SH3TC2: variants seen among roughly 807,000 people sequenced by gnomAD.
The protein encoded by SH3TC2 is SH3 domain and tetratricopeptide repeats 2.
A neutral mutation model predicts 124.5 loss-of-function variants in SH3TC2; 87 were observed. That is an observed-to-expected ratio of 0.70 (90% CI 0.59 to 0.84). The LOEUF is 0.84. Among genes scored for constraint, SH3TC2 ranks in the 40% least tolerant of loss-of-function variants. The pLI, the probability that SH3TC2 is intolerant of heterozygous loss-of-function variation, is 0.00. For missense variants in SH3TC2, 1,536 were observed against 1,566.4 expected (o/e 0.98, Z 0.33); for synonymous variants, 634 against 628.5 (o/e 1.01, Z -0.13).
At chr5:149,034,391 C>T (rs1754249226) in intron 8 of SH3TC2, 1 of 281,914 alleles carries the variant, frequency 3.5e-6, no homozygotes, top group Non-Finnish European at 7.1e-6. Context: ...TCCAACGTAC[C>T]TCTAATAGGA....
rs1561751838 is a variant in SH3TC2, at chr5:148,993,753, C to T, written c.*10958G>A. On this transcript the variant is annotated 3_prime_UTR_variant, in exon 17 of 17. Transcript: ENST00000515425. ...AGACTGAGACCATCACTGTCACATG[C>T]TCACTTGAATAGCCAAGCATCTAGC... Among the ~76,000 whole-genome samples, 1 of 152,180 alleles carries T rather than the reference C, an allele frequency of 6.6e-6. No homozygotes were observed.
At position 148,996,970 on chromosome 5, in the gene SH3TC2, T is replaced by C. The variant is rs1327501863; in HGVS notation, c.*7741A>G. On this transcript the variant is annotated 3_prime_UTR_variant, in exon 17 of 17. Coordinates refer to ENST00000515425, the MANE Select transcript of SH3TC2 (RefSeq NM_024577.4). ...GGTTAGGGAAGTAGATAATTAAGCATTCCTGAATACTAAGTGAGTAAAAAA... is the reference window on the plus strand; with the variant it reads ...GGTTAGGGAAGTAGATAATTAAGCACTCCTGAATACTAAGTGAGTAAAAAA... Among the ~76,000 whole-genome samples, 4 of 152,190 alleles carry C rather than the reference T, an allele frequency of 2.6e-5. No individual in the cohort carries two copies. Among genetic ancestry groups the C allele is most frequent in the Non-Finnish European group, 5.9e-5 (4 of 68,040 alleles).
rs547656975 is a variant in SH3TC2, at chr5:149,044,974, G to A, written c.280-336C>T. 9 of 190,634 alleles carry A rather than the reference G, an allele frequency of 4.7e-5. No homozygotes were observed. The East Asian group carries it at 1.2e-3, about 26-fold the overall frequency. 11.8% of individuals were successfully genotyped at this position (190,634 alleles called of 1,614,324 possible). On this transcript the variant is annotated intron_variant, in intron 3 of 16. Transcript: ENST00000515425. ...ATGGGCAAAGAATGCTACTTTTTGT[G>A]TTTAAAAAAAAAAGTGTATGTGGGA...
In SH3TC2 at chr5:148,996,547, G is replaced by A. The variant is rs1346788782; in HGVS notation, c.*8164C>T. ...GCTTTTTGGTCACCAGGATTACCAC[G>A]CAGCTGTTATTTCAGCCTAGCCCGT... On this transcript the variant is annotated 3_prime_UTR_variant, in exon 17 of 17. Transcript: ENST00000515425. Among the ~76,000 whole-genome samples the A allele has an allele frequency of 1.3e-5, 2 of 152,126 alleles. No homozygotes were observed. Among genetic ancestry groups the A allele is most frequent in the African/African-American group, 2.4e-5 (1 of 41,420 alleles).
rs886060149 is a variant in SH3TC2 at position 148,995,589 on chromosome 5, CA to C, written c.*9121del. On this transcript the variant is annotated 3_prime_UTR_variant, in exon 17 of 17. Coordinates refer to ENST00000515425, the MANE Select transcript of SH3TC2 (RefSeq NM_024577.4). ...TGAGCAGCCCTATCACCTGATTTCT[CA>C]ATCACTCATGAGCAATAAGTAGTTA... 1.3e-5 allele frequency among the ~76,000 whole-genome samples: 2 copies of C among 152,222 alleles called. No homozygotes were observed. The highest frequency in any genetic ancestry group is 6.5e-5 in the Admixed American group (1 of 15,282).
chr5:149,055,949 CAAT>C (rs1269484579), intron 1 of SH3TC2, among the ~76,000 whole-genome samples: 7 of 152,014 alleles, frequency 4.6e-5, no homozygotes, highest in African/African-American at 1.7e-4. Context: ...TCCAATACAA[CAAT>C]GAGAATGAAT....
At chr5:149,031,518 C>A in intron 9 of SH3TC2, 36 bp downstream of exon 9, 1 of 1,613,902 alleles carries the variant, frequency 6.2e-7, no homozygotes, top group Non-Finnish European at 8.5e-7. Context: ...CTTGAGGACC[C>A]CAGGCTTTTG....
Position 149,004,090 on chromosome 5 carries a change from C to T in SH3TC2, c.*621G>A. On this transcript the variant is annotated 3_prime_UTR_variant, in exon 17 of 17. Coordinates refer to ENST00000515425, the MANE Select transcript of SH3TC2 (RefSeq NM_024577.4). ...TCTGGGAGGTTATGTGGGAGCACAG[C>T]CTTATGGCAGGAGGAAGATGGTGAA... is the stretch of plus-strand genomic sequence containing the variant. The T allele has an allele frequency of 5.1e-6, 1 of 195,912 alleles. No homozygotes were observed. Among genetic ancestry groups the T allele is most frequent in the African/African-American group, 2.4e-5 (1 of 42,048 alleles). The allele number at this position is 195,912 out of a possible 1,614,324, so 12.1% of individuals were successfully genotyped here. A position where few individuals can be genotyped will look rare whatever the true frequency, so the allele number is the denominator to read the frequency against.
At chr5:149,023,986 G>C (rs1177015306) in intron 12 of SH3TC2, among the ~76,000 whole-genome samples, 1 of 152,102 alleles carries the variant, frequency 6.6e-6, no homozygotes, top group Non-Finnish European at 1.5e-5. Flanking sequence ...GAATCCTTAA[G>C]AAAAGATGCA....
rs747155538 is a variant in SH3TC2 at position 148,985,586 on chromosome 5, C to T, written c.*19125G>A. Among the ~76,000 whole-genome samples the T allele has an allele frequency of 6.6e-6, 1 of 152,092 alleles. No individual in the cohort carries two copies. The highest frequency in any genetic ancestry group is 1.5e-5 in the Non-Finnish European group (1 of 68,016). On this transcript the variant is annotated 3_prime_UTR_variant, in exon 17 of 17. Coordinates refer to ENST00000515425, the MANE Select transcript of SH3TC2 (RefSeq NM_024577.4). ...GTAGTATTCCACTGTATGAATACAC[C>T]ATAGTTTGTTTATCCATTTCCCAGT...
chr5:149,052,866 A>C (rs1197320110), intron 1 of SH3TC2, among the ~76,000 whole-genome samples: 2 of 152,216 alleles, frequency 1.3e-5, no homozygotes, highest in Non-Finnish European at 2.9e-5. Context: ...GTTGAAAAGA[A>C]AGAAGATGGT....
At position 149,026,947 on chromosome 5, in the gene SH3TC2, C is replaced by A; in HGVS notation, c.2785G>T (p.Val929Phe). The change falls in exon 11 of 17, where the codon GTT becomes TTT. Residue 929 changes from valine to phenylalanine, a missense_variant. Val to Phe is a conservative substitution (Grantham distance 50). Coordinates refer to ENST00000515425, the MANE Select transcript of SH3TC2 (RefSeq NM_024577.4). ...GTCAGCTGGTGTCCAGACACCAGAA[C>A]TTGGGCCAACCAGAGAAACACCTGT... is the stretch of plus-strand genomic sequence containing the variant. ...LVQVFLWLAQ[V>F]LVSGHQLTHG... 4 of 1,614,168 alleles carry A rather than the reference C, an allele frequency of 2.5e-6. No individual in the cohort carries two copies. Among genetic ancestry groups the A allele is most frequent in the Non-Finnish European group, 3.4e-6 (4 of 1,180,038 alleles).
intron 4 of SH3TC2, chr5:149,043,744 T>C (rs889644454): frequency 6.6e-6 from 1 of 151,864 alleles, no homozygotes; most frequent in Non-Finnish European, 1.5e-5. Context: ...AGGAAGGAGA[T>C]GTGTAGTGTG....
In SH3TC2 at chr5:149,050,492, T is replaced by C. The variant is rs554247267; in HGVS notation, c.151+1650A>G. Among the ~76,000 whole-genome samples, 8 of 152,306 alleles carry C rather than the reference T, an allele frequency of 5.3e-5. No homozygotes were observed. The East Asian group carries it at 1.4e-3, about 26-fold the overall frequency. On this transcript the variant is annotated intron_variant, in intron 2 of 16. Transcript: ENST00000515425. Reference sequence around the variant, plus strand: ...AGCCCGAGGTCAGTTCAGTTTCACCTACAGATACCCTTTGTTCACTGGCCT... The same window carrying C: ...AGCCCGAGGTCAGTTCAGTTTCACCCACAGATACCCTTTGTTCACTGGCCT...
rs115577291 is a variant in SH3TC2, at chr5:149,008,967, G to T, written c.3362C>A (p.Ala1121Glu). 4 of 1,614,156 alleles carry T rather than the reference G, an allele frequency of 2.5e-6. No individual in the cohort carries two copies. Among genetic ancestry groups the T allele is most frequent in the Non-Finnish European group, 1.7e-6 (2 of 1,180,024 alleles). Residue 1121 changes from alanine (A) to glutamate (E), a missense_variant, in exon 15 of 17, where the codon GCG becomes GAG. Ala to Glu is a moderately radical substitution (Grantham distance 107). Around this residue, in one of 3 missense-constraint regions of SH3TC2, gnomAD observed 426 missense variants for 443.5 expected, o/e 0.96. Transcript: ENST00000515425. ...GAAAATCCGGAGCTCAGTTCTCACC[G>T]CCTTCAACCTCCTTGCTAAAGGAAC... ...GAVPLARRLKAVRTELRIFNK... is the reference protein window; with the variant it reads ...GAVPLARRLKEVRTELRIFNK...
At chr5:149,059,034 C>T (rs250674) in intron 1 of SH3TC2, among the ~76,000 whole-genome samples, 37,932 of 151,824 alleles carry the variant, frequency 0.25, 5,412 homozygotes, top group African/African-American at 0.37. Context: ...GTGAATGAGG[C>T]TATATTTTTA....
intron 1 of SH3TC2, among the ~76,000 whole-genome samples, chr5:149,055,543 G>A (rs965450823): frequency 1.3e-5 from 2 of 152,070 alleles, no homozygotes; most frequent in African/African-American, 4.8e-5. Flanking sequence ...TATAGAGCAA[G>A]TAGAATACCT....
intron 1 of SH3TC2, among the ~76,000 whole-genome samples, chr5:149,059,675 A>T (rs1474434336): frequency 1.3e-5 from 2 of 151,972 alleles, no homozygotes; most frequent in Non-Finnish European, 2.9e-5. Context: ...GCATCATGAT[A>T]TCATTTTGTT....
At chr5:149,062,227 C>T (rs1282009820) in intron 1 of SH3TC2, 10 of 426,794 alleles carry the variant, frequency 2.3e-5, no homozygotes, top group Non-Finnish European at 4.7e-5. Context: ...CCCCACATTT[C>T]CCCAAAGCCA....
Sources: allele counts gnomAD v4.1 joint callset (sites outside exome capture counted in the v4.1 genomes callset), GRCh38; gene constraint gnomAD v4.1.1; regional missense constraint gnomAD v4.1.1; transcripts MANE v1.5; gene names NCBI Gene and HGNC (gene_info 2026-07-23, HGNC 2026-07-21).